CNGB3: variants seen among roughly 807,000 people sequenced by gnomAD.
CNGB3 encodes the protein cyclic nucleotide-gated channel beta-3.
CNGB3 carries 86 observed loss-of-function variants against 92.8 expected under a neutral mutation model. The ratio of observed to expected loss-of-function variants is 0.93; its 90% confidence interval spans 0.78 to 1.11. The LOEUF (loss-of-function observed/expected upper bound fraction) is 1.11. CNGB3 is among the 50% of genes least tolerant of loss of function. CNGB3 has a pLI of 0.00. For missense variants in CNGB3, 1,026 were observed against 956.8 expected (o/e 1.07, Z -0.95); for synonymous variants, 333 against 332.7 (o/e 1.00, Z -0.01).
At chr8:86,736,611 A>G (rs1329713656) in intron 2 of CNGB3, among the ~76,000 whole-genome samples, 5 of 152,164 alleles carry the variant, frequency 3.3e-5, no homozygotes, top group African/African-American at 4.8e-5. Flanking sequence ...TTGAATTATC[A>G]GAATGTTTCT....
intron 3 of CNGB3, among the ~76,000 whole-genome samples, chr8:86,721,327 C>T (rs1199245427): frequency 6.6e-6 from 1 of 152,096 alleles, no homozygotes; most frequent in Non-Finnish European, 1.5e-5. Context: ...AAAAACCAAA[C>T]ATTGTACATT....
intron 10 of CNGB3, among the ~76,000 whole-genome samples, chr8:86,636,264 T>A (rs1415397599): frequency 6.6e-6 from 1 of 151,972 alleles, no homozygotes; most frequent in Admixed American, 6.6e-5. Flanking sequence ...TGTTTTATTT[T>A]GAATATACAG....
At chr8:86,743,323 A>G (rs1287046580) in intron 1 of CNGB3, among the ~76,000 whole-genome samples, 176 bp downstream of exon 1, 4 of 152,206 alleles carry the variant, frequency 2.6e-5, no homozygotes, top group Non-Finnish European at 4.4e-5. Flanking sequence ...TATTCTTTTT[A>G]TGAACAAATA....
At position 86,670,963 on chromosome 8, in the gene CNGB3, G is replaced by A. The variant is rs151230930; in HGVS notation, c.474C>T (p.Pro158=). 507 of 1,612,318 alleles carry A rather than the reference G, an allele frequency of 3.1e-4. No homozygotes were observed. Among genetic ancestry groups the A allele is most frequent in the Non-Finnish European group, 4.0e-4 (467 of 1,180,004 alleles). The change falls in exon 4 of 18, where the codon CCC becomes CCT. Residue 158 remains proline, a synonymous_variant. Transcript: ENST00000320005. ...GCTTACCAGTTTGTGGGCTGGCTTC[G>A]GGTGAGGAGAGATCTCCCTCTACCA... is the stretch of plus-strand genomic sequence containing the variant. ...KKLVEGDLSS[P]EASPQTAKPT...
intron 9 of CNGB3, 102 bp downstream of exon 9, chr8:86,644,520 T>A (rs1185566922): frequency 6.8e-7 from 1 of 1,464,456 alleles, no homozygotes; most frequent in Non-Finnish European, 9.3e-7. Flanking sequence ...TGAAATTATA[T>A]CCTTTTTTTG....
rs1821727277 is a variant in CNGB3, at chr8:86,579,805, G to A, written c.1782-553C>T. On this transcript the variant is annotated intron_variant, in intron 15 of 17. Transcript: ENST00000320005. ...AATCTACAGCTCCTGACACATGGATGTCTTCTAGAAGTGCAATTCCCATCA... is the reference window on the plus strand; with the variant it reads ...AATCTACAGCTCCTGACACATGGATATCTTCTAGAAGTGCAATTCCCATCA... 4.6e-5 allele frequency among the ~76,000 whole-genome samples: 7 copies of A among 152,190 alleles called. 1 individual carries two copies. The South Asian group carries it at 1.4e-3, about 31-fold the overall frequency.
At chr8:86,670,476 G>C (rs922098647) in intron 4 of CNGB3, among the ~76,000 whole-genome samples, 1 of 152,060 alleles carries the variant, frequency 6.6e-6, no homozygotes, top group Non-Finnish European at 1.5e-5. Flanking sequence ...GCACCAACCA[G>C]TTTCCTCCTC....
chr8:86,694,361 C>A (rs1824398776), intron 3 of CNGB3, among the ~76,000 whole-genome samples: 1 of 150,430 alleles, frequency 6.6e-6, no homozygotes, highest in Admixed American at 6.6e-5. Context: ...GCTGACCCCC[C>A]CACTTCCCTC....
intron 2 of CNGB3, among the ~76,000 whole-genome samples, chr8:86,737,529 T>C (rs1825268646): frequency 6.6e-6 from 1 of 152,172 alleles, no homozygotes; most frequent in Non-Finnish European, 1.5e-5. Flanking sequence ...AGGTTTAATG[T>C]AGCATTTCCA....
In CNGB3 at chr8:86,696,577, C is replaced by A. The variant is rs1824454669; in HGVS notation, c.339-25479G>T. 3.3e-5 allele frequency among the ~76,000 whole-genome samples: 5 copies of A among 152,184 alleles called. No individual in the cohort carries two copies. In the South Asian group the frequency reaches 1.0e-3, roughly 32 times the overall value. On this transcript the variant is annotated intron_variant, in intron 3 of 17. Coordinates refer to ENST00000320005, the MANE Select transcript of CNGB3 (RefSeq NM_019098.5). ...GTCTCCAGACACTGTTCTATCCATC[C>A]AGTGGGAGCTGCGTGTTAGTCCTGT...
chr8:86,580,190 CG>C (rs71275867), intron 15 of CNGB3, among the ~76,000 whole-genome samples: 7 of 45,114 alleles, frequency 1.6e-4, no homozygotes, highest in African/African-American at 5.0e-4. Flanking sequence ...GAGAATAGCA[CG>C]GGGGGGGTGG....
At chr8:86,623,153 T>G (rs1457991995) in intron 13 of CNGB3, among the ~76,000 whole-genome samples, 1 of 152,174 alleles carries the variant, frequency 6.6e-6, no homozygotes, top group Non-Finnish European at 1.5e-5. Flanking sequence ...TCACATTGAG[T>G]CCTTTGGCTT....
At chr8:86,649,910 A>C (rs779491559) in intron 7 of CNGB3, among the ~76,000 whole-genome samples, 2 of 151,822 alleles carry the variant, frequency 1.3e-5, no homozygotes, top group Non-Finnish European at 3.0e-5. Flanking sequence ...ACAAAGGACT[A>C]GTATCCAGAA....
Position 86,632,788 on chromosome 8 carries a change from A to C in CNGB3, c.1284T>G (p.Phe428Leu). ...FEIVFQLLNFFSGVFVFSSLI... is the reference protein window; with the variant it reads ...FEIVFQLLNFLSGVFVFSSLI... Reference sequence around the variant, plus strand: ...AACTGGAGAACACAAAAACTCCAGAAAAAAAATTCAAGAGTTGAAAAACAA... The same window carrying C: ...AACTGGAGAACACAAAAACTCCAGACAAAAAATTCAAGAGTTGAAAAACAA... Residue 428 changes from phenylalanine to leucine, a missense_variant, in exon 11 of 18, where the codon TTT becomes TTG. By Grantham distance (22) the Phe-to-Leu change is conservative (BLOSUM62 0). Coordinates refer to ENST00000320005, the MANE Select transcript of CNGB3 (RefSeq NM_019098.5). The C allele has an allele frequency of 6.2e-7, 1 of 1,613,094 alleles. No homozygotes were observed. Among genetic ancestry groups the C allele is most frequent in the African/African-American group, 1.3e-5 (1 of 75,030 alleles).
At chr8:86,702,355 A>C (rs1224119570) in intron 3 of CNGB3, among the ~76,000 whole-genome samples, 1 of 152,212 alleles carries the variant, frequency 6.6e-6, no homozygotes, top group Non-Finnish European at 1.5e-5. Context: ...ATTTAAGATG[A>C]ATACACATTT....
chr8:86,643,421 C>T lies in CNGB3; in HGVS notation c.1178+330G>A, dbSNP rs143232544. Among the ~76,000 whole-genome samples, 48 of 151,366 alleles carry T rather than the reference C, an allele frequency of 3.2e-4. No homozygotes were observed. The East Asian group carries it at 3.9e-3, about 12-fold the overall frequency. ...ATCCTTTAATCCACTTTTCTTTATG[C>T]GCTCCTCTCCCCACCACTCACCCTT... On this transcript the variant is annotated intron_variant, in intron 10 of 17. Coordinates refer to ENST00000320005, the MANE Select transcript of CNGB3 (RefSeq NM_019098.5).
chr8:86,653,020 T>G (rs1823436382), intron 7 of CNGB3, among the ~76,000 whole-genome samples: 2 of 152,108 alleles, frequency 1.3e-5, no homozygotes, highest in South Asian at 4.1e-4. Context: ...AATAACACAT[T>G]GCACTGTAAT....
At chr8:86,721,518 C>A (rs183211159) in intron 3 of CNGB3, among the ~76,000 whole-genome samples, 35 of 151,962 alleles carry the variant, frequency 2.3e-4, no homozygotes, top group Middle Eastern at 3.4e-3. Context: ...CTCATGTAAC[C>A]AAACACCACC....
chr8:86,614,415 C>G (rs1283945805), intron 13 of CNGB3, among the ~76,000 whole-genome samples: 1 of 152,100 alleles, frequency 6.6e-6, no homozygotes, highest in Non-Finnish European at 1.5e-5. Context: ...CCCTGGGTAA[C>G]ACCCTGGATC....
Sources: allele counts gnomAD v4.1 joint callset (sites outside exome capture counted in the v4.1 genomes callset), GRCh38; gene constraint gnomAD v4.1.1; transcripts MANE v1.5; gene names NCBI Gene and HGNC (gene_info 2026-07-23, HGNC 2026-07-21).